CDKN2A: variants seen among roughly 807,000 people sequenced by gnomAD.
CDKN2A encodes cyclin-dependent kinase inhibitor 2A.
CDKN2A carries 3 observed loss-of-function variants against 11.1 expected under a neutral mutation model. That is an observed-to-expected ratio of 0.27 (90% CI 0.12 to 0.70). CDKN2A has a LOEUF of 0.70. Among genes scored for constraint, CDKN2A ranks in the 30% least tolerant of loss-of-function variants. The pLI, the probability that CDKN2A is intolerant of heterozygous loss-of-function variation, is 0.77. For missense variants in CDKN2A, 265 were observed against 233.6 expected, an observed-to-expected ratio of 1.13 and a Z score of -0.88; for synonymous variants, 122 against 108.1, an observed-to-expected ratio of 1.13 and a Z score of -0.80.
At position 21,974,762 on chromosome 9, in the gene CDKN2A, C is replaced by T. The variant is rs776810546; in HGVS notation, c.66G>A (p.Arg22=). Residue 22 remains arginine (R), a synonymous_variant, in exon 1 of 3, where the codon CGG becomes CGA. Coordinates refer to ENST00000304494, the MANE Select transcript of CDKN2A (RefSeq NM_000077.5). The surrounding 1 kb of genome is among the most constrained non-coding windows in gnomAD (Gnocchi z 5.2). ...SADWLATAAA[R]GRVEEVRALL... ...GCGCCCGCACCTCCTCTACCCGACC[C>T]CGGGCCGCGGCCGTGGCCAGCCAGT... 2 of 1,609,474 alleles carry T rather than the reference C, an allele frequency of 1.2e-6. No homozygotes were observed. Among genetic ancestry groups the T allele is most frequent in the Non-Finnish European group, 1.7e-6 (2 of 1,179,410 alleles).
upstream of CDKN2A, among the ~76,000 whole-genome samples, chr9:21,978,033 C>T (rs568617048): frequency 6.8e-6 from 1 of 147,206 alleles, no homozygotes; most frequent in Non-Finnish European, 1.5e-5. Flanking sequence ...TCATATCTTG[C>T]AGTAGAGCTC....
At position 21,968,083 on chromosome 9, in the gene CDKN2A, A is replaced by G; in HGVS notation, c.*146T>C. The G allele has an allele frequency of 2.6e-6, 2 of 755,788 alleles. No homozygotes were observed. Among genetic ancestry groups the G allele is most frequent in the Admixed American group, 3.8e-5 (2 of 51,950 alleles). 46.8% of individuals were successfully genotyped at this position (755,788 alleles called of 1,614,324 possible). A position where few individuals can be genotyped will look rare whatever the true frequency, so the allele number is the denominator to read the frequency against. On this transcript the variant is annotated 3_prime_UTR_variant, in exon 3 of 3. Coordinates refer to ENST00000304494, the MANE Select transcript of CDKN2A (RefSeq NM_000077.5). The surrounding 1 kb of genome is among the most constrained non-coding windows in gnomAD (Gnocchi z 4.7). ...GGGGAAGGCATATATCTACGTTAAA[A>G]GGCAGGACATTTTTAAAAGCTCTAT...
chr9:21,980,047 T>C (rs906950964), intron 2 of CDKN2A, among the ~76,000 whole-genome samples: 1 of 152,192 alleles, frequency 6.6e-6, no homozygotes, highest in African/African-American at 2.4e-5. Context: ...TTTCATGGGA[T>C]AAGCAAGATG....
Position 21,974,641 on chromosome 9 carries a change from C to G in CDKN2A, c.150+37G>C, listed in dbSNP as rs45456595. On this transcript the variant is annotated intron_variant, in intron 1 of 2. Coordinates refer to ENST00000304494, the MANE Select transcript of CDKN2A (RefSeq NM_000077.5). The surrounding 1 kb of genome is among the most constrained non-coding windows in gnomAD (Gnocchi z 5.2). The stretch of plus-strand genomic sequence containing the variant: ...GCAAACTTCGTCCTCCAGAGTCGCC[C>G]GCCATCCCCTGCTCCCGCTGCAGAC... The G allele has an allele frequency of 2.6e-3, 4,229 of 1,614,214 alleles. 7 individuals are homozygous for G. Among genetic ancestry groups the G allele is most frequent in the Non-Finnish European group, 3.3e-3 (3,851 of 1,180,040 alleles).
upstream of CDKN2A, among the ~76,000 whole-genome samples, chr9:21,975,764 T>C (rs1206332138): frequency 6.6e-6 from 1 of 152,208 alleles, no homozygotes; most frequent in African/African-American, 2.4e-5. Context: ...AAAGTCATAA[T>C]TCCTAGACCA....
At chr9:21,987,493 T>C (rs1820330870) in intron 2 of CDKN2A, among the ~76,000 whole-genome samples, 1 of 151,414 alleles carries the variant, frequency 6.6e-6, no homozygotes, top group African/African-American at 2.4e-5. Flanking sequence ...GAAGTGTATA[T>C]AGTGTTTTAA....
rs770859592 is a variant in CDKN2A at position 21,974,599 on chromosome 9, C to T, written c.150+79G>A. 5.6e-6 allele frequency: 9 copies of T among 1,613,972 alleles called. No homozygotes were observed. The African/African-American group carries it at 9.3e-5, about 17-fold the overall frequency. On this transcript the variant is annotated intron_variant, in intron 1 of 2. Coordinates refer to ENST00000304494, the MANE Select transcript of CDKN2A (RefSeq NM_000077.5). The surrounding 1 kb of genome is among the most constrained non-coding windows in gnomAD (Gnocchi z 5.2). ...TTTTTCCGGAGAATCGAAGCGCTAC[C>T]TGATTCCAATTCCCCTGCAAACTTC... is the stretch of plus-strand genomic sequence containing the variant.
chr9:21,975,145 G>T (rs1002220719), upstream of CDKN2A: 22 of 1,205,458 alleles, frequency 1.8e-5, no homozygotes, highest in South Asian at 3.0e-5. Context: ...CAGAGCCAGC[G>T]TTGGCAAGGA....
At chr9:21,984,075 T>C (rs1266239472) in intron 2 of CDKN2A, among the ~76,000 whole-genome samples, 2 of 152,030 alleles carry the variant, frequency 1.3e-5, no homozygotes, top group Non-Finnish European at 2.9e-5. Context: ...TGAGAATATA[T>C]ATGACATTTA....
rs1820359665 is a variant in CDKN2A at position 21,988,808 on chromosome 9, C to A, written c.-4+5074G>T. The stretch of plus-strand genomic sequence containing the variant: ...ATATTTTTAAAAATACCACTATGTA[C>A]AAGGCACTGTGCTATATCTGGAACT... On this transcript the variant is annotated intron_variant, in intron 2 of 3. Coordinates refer to the CDKN2A transcript ENST00000494262. The surrounding 1 kb of genome is among the most constrained non-coding windows in gnomAD (Gnocchi z 4.1). Among the ~76,000 whole-genome samples, 1 of 152,150 alleles carries A rather than the reference C, an allele frequency of 6.6e-6. No homozygotes were observed. The highest frequency in any genetic ancestry group is 2.4e-5 in the African/African-American group (1 of 41,426).
At chr9:21,978,240 A>G (rs1386667834), upstream of CDKN2A, among the ~76,000 whole-genome samples, 2 of 152,132 alleles carry the variant, frequency 1.3e-5, no homozygotes, top group African/African-American at 4.8e-5. Context: ...CACATTGTGC[A>G]CATGTACTCT....
rs969968395 is a variant in CDKN2A, at chr9:21,988,405, C to G, written c.-4+5477G>C. On this transcript the variant is annotated intron_variant, in intron 2 of 3. Coordinates refer to the CDKN2A transcript ENST00000494262. This position sits in a 1 kb window ranked among gnomAD's most constrained non-coding sequence, Gnocchi z 4.1. ...TCAATCCTGTAGTTGATGGCTTTCA[C>G]TTTTTTTTCCCTTTTATTACTTCTT... Among the ~76,000 whole-genome samples the G allele has an allele frequency of 2.6e-5, 4 of 152,100 alleles. No individual in the cohort carries two copies. In the South Asian group the frequency reaches 8.3e-4, roughly 32 times the overall value.
chr9:21,983,127 C>T (rs1820232256), intron 2 of CDKN2A, among the ~76,000 whole-genome samples: 1 of 152,038 alleles, frequency 6.6e-6, no homozygotes, highest in Non-Finnish European at 1.5e-5. Context: ...GATTATTCTT[C>T]AGTAGTAATA....
rs1255157680 is a variant in CDKN2A, at chr9:21,974,542, C to T, written c.150+136G>A. 6.8e-6 allele frequency: 11 copies of T among 1,613,228 alleles called. No homozygotes were observed. The Admixed American group carries it at 1.8e-4, about 27-fold the overall frequency. On this transcript the variant is annotated intron_variant, in intron 1 of 2. Coordinates refer to ENST00000304494, the MANE Select transcript of CDKN2A (RefSeq NM_000077.5). The surrounding 1 kb of genome is among the most constrained non-coding windows in gnomAD (Gnocchi z 5.2). The stretch of plus-strand genomic sequence containing the variant: ...CCAGGAGGAGGTCTGTGATTACAAA[C>T]CCCTTCTGAAAACTCCCCAGGAAGC...
upstream of CDKN2A, among the ~76,000 whole-genome samples, chr9:21,979,514 A>G (rs977497686): frequency 2.0e-5 from 3 of 152,256 alleles, no homozygotes; most frequent in African/African-American, 7.2e-5. Flanking sequence ...TCCCTCAAAA[A>G]TAATGAAGAA....
In CDKN2A at chr9:21,968,220, C is replaced by A. The variant is rs863224604; in HGVS notation, c.*9G>T. The stretch of plus-strand genomic sequence containing the variant: ...TTTCCCGAGGTTTCTCAGAGCCTCT[C>A]TGGTTCTTTCAATCGGGGATGTCTG... On this transcript the variant is annotated 3_prime_UTR_variant, in exon 3 of 3. Coordinates refer to ENST00000304494, the MANE Select transcript of CDKN2A (RefSeq NM_000077.5). The surrounding 1 kb of genome is among the most constrained non-coding windows in gnomAD (Gnocchi z 4.7). The A allele has an allele frequency of 1.9e-6, 3 of 1,613,782 alleles. No homozygotes were observed. The African/African-American group carries it at 4.0e-5, about 22-fold the overall frequency.
intron 2 of CDKN2A, among the ~76,000 whole-genome samples, chr9:21,990,789 A>C (rs906747971): frequency 3.3e-5 from 5 of 152,212 alleles, no homozygotes; most frequent in African/African-American, 1.2e-4. Flanking sequence ...TATTGCTAGA[A>C]TTTTATGCAG....
chr9:21,972,051 T>C (rs1035973217), intron 1 of CDKN2A, among the ~76,000 whole-genome samples: 2 of 151,430 alleles, frequency 1.3e-5, no homozygotes, highest in Non-Finnish European at 2.9e-5. Flanking sequence ...TTCTACTCTT[T>C]ACTGCTAAGA....
intron 2 of CDKN2A, among the ~76,000 whole-genome samples, chr9:21,986,219 C>T (rs3731213): frequency 0.059 from 9,022 of 151,958 alleles, 692 homozygotes; most frequent in African/African-American, 0.18. Context: ...TTCAACTGCA[C>T]GCTTCAAGTG....
Sources: gnomAD v4.1 joint callset for allele counts (sites outside exome capture counted in the v4.1 genomes callset) on GRCh38, gnomAD v4.1.1 for gene constraint, Gnocchi (gnomAD v3.1) non-coding constraint, MANE v1.5 for transcripts, NCBI Gene and HGNC (gene_info 2026-07-23, HGNC 2026-07-21) for gene names.